ADAR: variants seen among roughly 807,000 people sequenced by gnomAD.
ADAR encodes the protein double-stranded RNA-specific adenosine deaminase.
In ADAR, 41 loss-of-function variants were observed where a neutral mutation model predicts 113.2. The observed-to-expected ratio is 0.36, with a 90% CI of 0.28 to 0.47. The LOEUF (loss-of-function observed/expected upper bound fraction) is 0.47, where lower values mean the gene tolerates loss of function less well. Ranked by LOEUF, ADAR falls within the 20% of genes least tolerant of loss-of-function variation. The pLI is 1.00. For missense variants in ADAR, 1,242 were observed against 1,540.9 expected (o/e 0.81, Z 3.25); for synonymous variants, 605 against 572.6 (o/e 1.06, Z -0.81).
At chr1:154,589,683 G>C in intron 8 of ADAR, 74 bp downstream of exon 8, 1 of 1,567,952 alleles carries the variant, frequency 6.4e-7, no homozygotes, top group Non-Finnish European at 8.8e-7. Context: ...TTACATGCAT[G>C]GACTCCAGGG....
At position 154,608,114 on chromosome 1, in the gene ADAR, T is replaced by A; in HGVS notation, c.-108A>T. ...CCCCCACGCCTCCGCTACTCCGCACTGGAAGTGGCCCCGGGGCGTCGGCAC... is the reference window on the plus strand; with the variant it reads ...CCCCCACGCCTCCGCTACTCCGCACAGGAAGTGGCCCCGGGGCGTCGGCAC... On this transcript the variant is annotated 5_prime_UTR_variant, in exon 1 of 15. Transcript: ENST00000368474. 2.2e-6 allele frequency: 3 copies of A among 1,378,882 alleles called. No individual in the cohort carries two copies. Among genetic ancestry groups the A allele is most frequent in the South Asian group, 3.1e-5 (2 of 64,846 alleles). 85.4% of individuals were successfully genotyped at this position (1,378,882 alleles called of 1,614,324 possible).
Position 154,583,202 on chromosome 1 carries a change from GCTGA to G in ADAR, c.*1600_*1603del, listed in dbSNP as rs1230354507. 2 of 152,154 alleles carry G rather than the reference GCTGA, an allele frequency of 1.3e-5. No individual in the cohort carries two copies. The highest frequency in any genetic ancestry group is 4.8e-5 in the African/African-American group (2 of 41,418). The allele number at this position is 152,154 out of a possible 1,614,324, so 9.4% of individuals were successfully genotyped here. On this transcript the variant is annotated 3_prime_UTR_variant, in exon 15 of 15. Coordinates refer to ENST00000368474, the MANE Select transcript of ADAR (RefSeq NM_001111.5). The stretch of plus-strand genomic sequence containing the variant: ...TCAGTAGTCCTCCTGAGTGTGTCTA[GCTGA>G]CTGTTATCGAGGGACACGTAAAAGC...
chr1:154,589,548 A>G, intron 8 of ADAR, 86 bp from the exon 9 acceptor site: 7 of 1,318,230 alleles, frequency 5.3e-6, no homozygotes, highest in Non-Finnish European at 7.6e-6. Flanking sequence ...GAAAGCTTCA[A>G]GGCAGAAACA....
At chr1:154,598,855 A>C (rs529840869) in intron 2 of ADAR, among the ~76,000 whole-genome samples, 13 of 152,380 alleles carry the variant, frequency 8.5e-5, no homozygotes, top group East Asian at 3.9e-4. Flanking sequence ...GAAACCCACT[A>C]TCTCTTTAAC....
chr1:154,586,611 A>G (rs956841667), intron 11 of ADAR, among the ~76,000 whole-genome samples: 1 of 152,218 alleles, frequency 6.6e-6, no homozygotes, highest in African/African-American at 2.4e-5. Flanking sequence ...GAGAATAGAC[A>G]CTAAACCAGT....
chr1:154,601,347 A>G lies in ADAR; in HGVS notation c.1295T>C (p.Leu432Pro), dbSNP rs1222970873. Residue 432 changes from leucine (L) to proline (P), a missense_variant, in exon 2 of 15, where the codon CTG becomes CCG. By Grantham distance (98) the Leu-to-Pro change is moderately conservative. Around this residue, in one of 2 missense-constraint regions of ADAR, gnomAD observed 780 missense variants for 1,057.9 expected, o/e 0.74. Transcript: ENST00000368474. This position sits in a 1 kb window ranked among gnomAD's most constrained non-coding sequence, Gnocchi z 4.7. ...RQEARPEPAR[L>P]KPPVHYNGPS... ...GCCATTGTAATGAACAGGTGGTTTCAGTCTTGCTGGTTCTGGTCTGGCCTC... is the reference window on the plus strand; with the variant it reads ...GCCATTGTAATGAACAGGTGGTTTCGGTCTTGCTGGTTCTGGTCTGGCCTC... The G allele has an allele frequency of 6.2e-7, 1 of 1,614,240 alleles. No homozygotes were observed. Among genetic ancestry groups the G allele is most frequent in the Admixed American group, 1.7e-5 (1 of 60,032 alleles).
rs1177981256 is a variant in ADAR at position 154,596,895 on chromosome 1, G to A, written c.2180C>T (p.Pro727Leu). The change falls in exon 6 of 15, where the codon CCT (proline) becomes CTT (leucine). Residue 727 changes from proline (P) to leucine (L), a missense_variant. Coordinates refer to ENST00000368474, the MANE Select transcript of ADAR (RefSeq NM_001111.5). ...GGCGTACTCCAAAAGGCCACCCACA[G>A]GGTTGGTGTTCAGGTATCTCACGAG... ...GELVRYLNTN[P>L]VGGLLEYARS... 1.2e-6 allele frequency: 2 copies of A among 1,614,186 alleles called. No homozygotes were observed. Among genetic ancestry groups the A allele is most frequent in the East Asian group, 2.2e-5 (1 of 44,886 alleles).
upstream of ADAR, among the ~76,000 whole-genome samples, chr1:154,610,526 T>G (rs1044396465): frequency 1.3e-5 from 2 of 151,934 alleles, no homozygotes; most frequent in Non-Finnish European, 2.9e-5. Flanking sequence ...AAAGACAAAA[T>G]GAGGCCGGGC....
At chr1:154,599,071 T>C (rs1365677711) in intron 2 of ADAR, among the ~76,000 whole-genome samples, 2 of 152,234 alleles carry the variant, frequency 1.3e-5, no homozygotes, top group Admixed American at 1.3e-4. Context: ...CTGCCACTTA[T>C]CAGTGGCCTG....
chr1:154,598,661 C>A, intron 2 of ADAR, 76 bp from the exon 3 acceptor site: 2 of 1,487,646 alleles, frequency 1.3e-6, no homozygotes, highest in South Asian at 1.1e-5. Context: ...GACCTTCAAC[C>A]TGGAATTTTC....
In ADAR at chr1:154,584,948, A is replaced by T; in HGVS notation, c.3539T>A (p.Leu1180His). The T allele has an allele frequency of 6.2e-7, 1 of 1,614,084 alleles. No individual in the cohort carries two copies. Among genetic ancestry groups the T allele is most frequent in the Non-Finnish European group, 8.5e-7 (1 of 1,180,018 alleles). ...SFRYRRDLLR[L>H]SYGEAKKAAR... ...AGCTTTCTTGGCCTCACCATAGGAGAGTCTCAGTAGATCCCTGCGGTAACG... is the reference window on the plus strand; with the variant it reads ...AGCTTTCTTGGCCTCACCATAGGAGTGTCTCAGTAGATCCCTGCGGTAACG... The change falls in exon 15 of 15, where the codon CTC (leucine) becomes CAC (histidine). Residue 1180 changes from leucine to histidine, a missense_variant. Coordinates refer to ENST00000368474, the MANE Select transcript of ADAR (RefSeq NM_001111.5).
At chr1:154,618,938 C>G (rs946294991) in intron 1 of ADAR, among the ~76,000 whole-genome samples, 1 of 152,086 alleles carries the variant, frequency 6.6e-6, no homozygotes, top group African/African-American at 2.4e-5. Flanking sequence ...GGCGAAACCC[C>G]GTCTCTACTA....
At chr1:154,612,073 C>T (rs1166429911), upstream of ADAR, among the ~76,000 whole-genome samples, 1 of 152,178 alleles carries the variant, frequency 6.6e-6, no homozygotes, top group Non-Finnish European at 1.5e-5. Context: ...TTTAACCTTA[C>T]TGCGTGCAGG....
rs1363826622 is a variant in ADAR at position 154,585,820 on chromosome 1, C to A, written c.3248G>T (p.Arg1083Leu). 1 of 1,613,946 alleles carries A rather than the reference C, an allele frequency of 6.2e-7. No homozygotes were observed. Among genetic ancestry groups the A allele is most frequent in the Non-Finnish European group, 8.5e-7 (1 of 1,179,954 alleles). Reference sequence around the variant, plus strand: ...AAATGCACTCCCATCTCTTGTCACACGACAGCAAATAGCACGGGTCAGATG... The same window carrying A: ...AAATGCACTCCCATCTCTTGTCACAAGACAGCAAATAGCACGGGTCAGATG... ...QGHLTRAICCRVTRDGSAFED... is the reference protein window; with the variant it reads ...QGHLTRAICCLVTRDGSAFED... The change falls in exon 13 of 15, where the codon CGT becomes CTT. Residue 1083 changes from arginine to leucine, a missense_variant. Around this residue, in one of 2 missense-constraint regions of ADAR, gnomAD observed 780 missense variants for 1,057.9 expected, o/e 0.74. Transcript: ENST00000368474.
chr1:154,598,471 T>C lies in ADAR; in HGVS notation c.1716A>G (p.Glu572=). 6.2e-7 allele frequency: 1 copy of C among 1,614,226 alleles called. No homozygotes were observed. Among genetic ancestry groups the C allele is most frequent in the Non-Finnish European group, 8.5e-7 (1 of 1,180,034 alleles). The change falls in exon 3 of 15, where the codon GAA becomes GAG. Residue 572 remains glutamate (E), a synonymous_variant. Transcript: ENST00000368474. ...AMKAMTILLE[E]AKAKDSGKSE... ...ATTTTCCACTGTCCTTGGCTTTGGCTTCCTCTAGCAGAATTGTCATGGCTT... is the reference window on the plus strand; with the variant it reads ...ATTTTCCACTGTCCTTGGCTTTGGCCTCCTCTAGCAGAATTGTCATGGCTT...
chr1:154,618,684 T>C (rs1001582022), intron 1 of ADAR, among the ~76,000 whole-genome samples: 3 of 151,894 alleles, frequency 2.0e-5, no homozygotes, highest in African/African-American at 7.3e-5. Flanking sequence ...AAAGCGTTAT[T>C]CAACAGATGG....
intron 1 of ADAR, among the ~76,000 whole-genome samples, chr1:154,617,063 T>C (rs1167140199): frequency 3.9e-5 from 6 of 152,202 alleles, no homozygotes; most frequent in Non-Finnish European, 7.4e-5. Context: ...AAACAATGAC[T>C]GGGGCACTAT....
Position 154,588,165 on chromosome 1 carries a change from C to T in ADAR, c.2979G>A (p.Glu993=), listed in dbSNP as rs745580283. 1.2e-6 allele frequency: 2 copies of T among 1,614,108 alleles called. No homozygotes were observed. Among genetic ancestry groups the T allele is most frequent in the Non-Finnish European group, 1.7e-6 (2 of 1,180,030 alleles). ...TGCGGAGCTTTCCTTGTTTGGGATT[C>T]TCGAAGACAGGGTAGTGGCGGGATT... ...STESRHYPVF[E]NPKQGKLRTK... The change falls in exon 11 of 15, where the codon GAG becomes GAA. Residue 993 remains glutamate (E), a synonymous_variant. Transcript: ENST00000368474.
chr1:154,601,089 G>A lies in ADAR; in HGVS notation c.1553C>T (p.Thr518Ile), dbSNP rs1697842367. Reference protein sequence around the residue: ...LLEYAQFASQTCEFNMIEQSG... With the variant: ...LLEYAQFASQICEFNMIEQSG... ...CTGCTCTATCATGTTGAACTCACAG[G>A]TTTGACTAGCGAACTGGGCATATTC... is the stretch of plus-strand genomic sequence containing the variant. Residue 518 changes from threonine to isoleucine, a missense_variant, in exon 2 of 15, where the codon ACC becomes ATC. Around this residue, in one of 2 missense-constraint regions of ADAR, gnomAD observed 780 missense variants for 1,057.9 expected, o/e 0.74. Transcript: ENST00000368474. This position sits in a 1 kb window ranked among gnomAD's most constrained non-coding sequence, Gnocchi z 4.7. 1 of 1,614,188 alleles carries A rather than the reference G, an allele frequency of 6.2e-7. No homozygotes were observed. The highest frequency in any genetic ancestry group is 8.5e-7 in the Non-Finnish European group (1 of 1,180,034).
Sources: gnomAD v4.1 joint callset for allele counts (sites outside exome capture counted in the v4.1 genomes callset) on GRCh38, gnomAD v4.1.1 for gene constraint, gnomAD v4.1.1 regional missense constraint, Gnocchi (gnomAD v3.1) non-coding constraint, MANE v1.5 for transcripts, NCBI Gene and HGNC (gene_info 2026-07-23, HGNC 2026-07-21) for gene names.